Variants in CTNNA3 observed in about 807,000 individuals in gnomAD.
The protein encoded by CTNNA3 is catenin alpha 3, also known as catenin alpha-3.
CTNNA3 carries 76 observed loss-of-function variants against 95.7 expected under a neutral mutation model. The observed-to-expected ratio is 0.79, with a 90% confidence interval of 0.66 to 0.96. The LOEUF (loss-of-function observed/expected upper bound fraction) is 0.96. Among genes scored for constraint, CTNNA3 ranks in the 40% least tolerant of loss-of-function variants. CTNNA3 has a pLI of 0.00. For synonymous variants in CTNNA3, 431 were observed against 374.4 expected (o/e 1.15, Z -1.74); for missense variants, 1,191 against 1,089.8 (o/e 1.09, Z -1.31).
chr10:67,141,664 G>A (rs1860574016), intron 7 of CTNNA3, among the ~76,000 whole-genome samples: 1 of 152,072 alleles, frequency 6.6e-6, no homozygotes, highest in Non-Finnish European at 1.5e-5. Context: ...CTAAGACTCA[G>A]GGCAAAAGCA....
intron 3 of CTNNA3, among the ~76,000 whole-genome samples, chr10:67,553,197 T>C (rs1841095224): frequency 6.6e-6 from 1 of 152,162 alleles, no homozygotes; most frequent in African/African-American, 2.4e-5. Context: ...AACTCCTTTC[T>C]CTCCATAATA....
chr10:65,940,872 G>A (rs1423283735), intron 17 of CTNNA3, among the ~76,000 whole-genome samples: 2 of 152,148 alleles, frequency 1.3e-5, no homozygotes, highest in Non-Finnish European at 2.9e-5. Context: ...TTTAACTCAT[G>A]TTTCATGTGA....
intron 6 of CTNNA3, among the ~76,000 whole-genome samples, chr10:67,185,319 G>T (rs60544450): frequency 0.062 from 9,436 of 151,752 alleles, 443 homozygotes; most frequent in African/African-American, 0.12. Flanking sequence ...GTAGAGAGAG[G>T]GTTTCACCAT....
intron 12 of CTNNA3, among the ~76,000 whole-genome samples, chr10:66,342,987 C>A (rs10740239): frequency 0.36 from 55,065 of 151,668 alleles, 11,412 homozygotes; most frequent in Non-Finnish European, 0.46. Context: ...CACCATTTCA[C>A]ATATATGAAT....
At chr10:65,936,564 C>T (rs2077341876) in intron 17 of CTNNA3, among the ~76,000 whole-genome samples, 1 of 151,982 alleles carries the variant, frequency 6.6e-6, no homozygotes, top group South Asian at 2.1e-4. Context: ...ATTTGGGTTC[C>T]ATTATTATCA....
intron 7 of CTNNA3, among the ~76,000 whole-genome samples, chr10:67,126,344 T>A (rs533067039): frequency 6.6e-6 from 1 of 152,270 alleles, no homozygotes; most frequent in East Asian, 1.9e-4. Context: ...CTGGCCAACA[T>A]GGTGAAACCC....
At chr10:66,188,387 AC>A (rs1233146761) in intron 13 of CTNNA3, among the ~76,000 whole-genome samples, 2 of 149,518 alleles carry the variant, frequency 1.3e-5, no homozygotes, top group African/African-American at 2.5e-5. Context: ...CCCCACCCTC[AC>A]CCCTGGTAAC....
chr10:66,690,416 C>T (rs1847477749), intron 9 of CTNNA3, among the ~76,000 whole-genome samples: 1 of 151,542 alleles, frequency 6.6e-6, no homozygotes, highest in Admixed American at 6.6e-5. Flanking sequence ...TGCTGGTGTG[C>T]TGCACCCATT....
intron 5 of CTNNA3, among the ~76,000 whole-genome samples, chr10:67,387,350 G>C (rs1447429003): frequency 6.6e-6 from 1 of 152,112 alleles, no homozygotes; most frequent in Non-Finnish European, 1.5e-5. Flanking sequence ...GCTTTTCCTA[G>C]GGGCTTAAAA....
At chr10:66,880,472 G>C (rs1303055637) in intron 7 of CTNNA3, among the ~76,000 whole-genome samples, 1 of 152,076 alleles carries the variant, frequency 6.6e-6, no homozygotes, top group Non-Finnish European at 1.5e-5. Context: ...TAATGTTTCA[G>C]GGTCTGTTAC....
At chr10:66,277,632 A>T (rs776143180) in intron 13 of CTNNA3, among the ~76,000 whole-genome samples, 10 of 152,136 alleles carry the variant, frequency 6.6e-5, no homozygotes, top group African/African-American at 2.2e-4. Flanking sequence ...GATTAAGTCC[A>T]TAAGTTTATG....
At chr10:67,391,132 G>T (rs1042169533) in intron 5 of CTNNA3, among the ~76,000 whole-genome samples, 1 of 151,894 alleles carries the variant, frequency 6.6e-6, no homozygotes, top group African/African-American at 2.4e-5. Flanking sequence ...GTTTGCAGAC[G>T]ACATGATTGT....
chr10:66,000,769 TTTA>T (rs1407296821), intron 15 of CTNNA3, among the ~76,000 whole-genome samples: 11 of 152,152 alleles, frequency 7.2e-5, no homozygotes, highest in African/African-American at 2.7e-4. Context: ...AATCATTAAG[TTTA>T]TAGCACTCTT....
intron 14 of CTNNA3, among the ~76,000 whole-genome samples, chr10:66,070,033 G>A (rs1440420732): frequency 6.6e-6 from 1 of 152,106 alleles, no homozygotes; most frequent in Non-Finnish European, 1.5e-5. Context: ...CATATTGAAT[G>A]TTCCATAAAT....
At chr10:66,317,219 T>C in intron 12 of CTNNA3, among the ~76,000 whole-genome samples, 1 of 152,144 alleles carries the variant, frequency 6.6e-6, no homozygotes, top group Non-Finnish European at 1.5e-5. Context: ...GTGATGTTTC[T>C]AAGAATACTT....
At chr10:67,728,389 G>A (rs899193590) in intron 1 of CTNNA3, among the ~76,000 whole-genome samples, 1 of 148,890 alleles carries the variant, frequency 6.7e-6, no homozygotes, top group African/African-American at 2.4e-5. Flanking sequence ...GGAGGTGGAG[G>A]TTATATATAT....
intron 15 of CTNNA3, among the ~76,000 whole-genome samples, chr10:66,035,099 T>C (rs372149003): frequency 3.9e-5 from 6 of 152,282 alleles, no homozygotes; most frequent in African/African-American, 1.4e-4. Context: ...TTCCTTTGCC[T>C]GGCAGTCCTC....
intron 10 of CTNNA3, among the ~76,000 whole-genome samples, chr10:66,585,740 C>T (rs1843339931): frequency 6.6e-6 from 1 of 151,848 alleles, no homozygotes; most frequent in African/African-American, 2.4e-5. Context: ...TTTTTGAACT[C>T]TTTATCTGGT....
intron 7 of CTNNA3, among the ~76,000 whole-genome samples, chr10:66,850,685 T>C (rs1388466281): frequency 6.6e-6 from 1 of 151,458 alleles, no homozygotes; most frequent in Non-Finnish European, 1.5e-5. Flanking sequence ...CTGGGTAGAG[T>C]ATGTGAAATA....
Sources: gnomAD v4.1 joint callset for allele counts (sites outside exome capture counted in the v4.1 genomes callset) on GRCh38, gnomAD v4.1.1 for gene constraint, MANE v1.5 for transcripts, NCBI Gene and HGNC (gene_info 2026-07-23, HGNC 2026-07-21) for gene names.